The following CCPG1 variants were observed in gnomAD, a reference collection of about 807,000 sequenced individuals.
The protein encoded by CCPG1 is cell cycle progression protein 1.
Under a neutral mutation model 81.3 loss-of-function variants are expected in CCPG1, and 46 were observed. The observed-to-expected ratio is 0.57, with a 90% CI of 0.45 to 0.72. The LOEUF is 0.72. CCPG1 is among the 30% of genes least tolerant of loss of function. CCPG1 has a pLI of 0.00. For missense variants in CCPG1, 902 were observed against 937.6 expected, an observed-to-expected ratio of 0.96 and a Z score of 0.50; for synonymous variants, 330 against 305.2, an observed-to-expected ratio of 1.08 and a Z score of -0.85.
chr15:55,356,452 T>C, intron 8 of CCPG1, 43 bp from the exon 9 acceptor site: 1 of 1,414,772 alleles, frequency 7.1e-7, no homozygotes. Context: ...TAGAGTTCAA[T>C]GTATTTAAAT....
At chr15:55,389,570 C>A (rs373436055) in intron 1 of CCPG1, 137 bp from the exon 2 acceptor site, 4 of 671,858 alleles carry the variant, frequency 6.0e-6, no homozygotes, top group African/African-American at 3.6e-5. Flanking sequence ...ATAGATTTAC[C>A]ATACAGAACA....
At chr15:55,365,764 C>T (rs897391732) in intron 6 of CCPG1, among the ~76,000 whole-genome samples, 4 of 151,596 alleles carry the variant, frequency 2.6e-5, no homozygotes, top group Non-Finnish European at 5.9e-5. Context: ...AGCATTTCAC[C>T]GTTCTTTAAA....
At chr15:55,392,314 C>T (rs199787762) in intron 1 of CCPG1, among the ~76,000 whole-genome samples, 17 of 149,774 alleles carry the variant, frequency 1.1e-4, no homozygotes, top group Non-Finnish European at 1.6e-4. Context: ...CTGGTTCAAG[C>T]GATTCTCCTG....
At chr15:55,382,035 A>T (rs1485629842) in intron 3 of CCPG1, among the ~76,000 whole-genome samples, 1 of 152,220 alleles carries the variant, frequency 6.6e-6, no homozygotes, top group African/African-American at 2.4e-5. Context: ...CATTATTGCT[A>T]AAAAGTGCTA....
chr15:55,386,075 C>T (rs1595852279), intron 2 of CCPG1, among the ~76,000 whole-genome samples: 1 of 151,898 alleles, frequency 6.6e-6, no homozygotes, highest in South Asian at 2.1e-4. Context: ...AGGCACTTCG[C>T]TAGATGCTGT....
intron 6 of CCPG1, among the ~76,000 whole-genome samples, chr15:55,371,519 T>G (rs991123188): frequency 2.0e-5 from 3 of 152,228 alleles, no homozygotes; most frequent in African/African-American, 7.2e-5. Context: ...TTTCAGATTT[T>G]TAATCTTCCA....
Position 55,385,651 on chromosome 15 carries a change from A to G in CCPG1, c.124T>C (p.Cys42Arg), listed in dbSNP as rs2141303285. 1.9e-6 allele frequency: 3 copies of G among 1,612,742 alleles called. No individual in the cohort carries two copies. The highest frequency in any genetic ancestry group is 2.5e-6 in the Non-Finnish European group (3 of 1,179,120). The change falls in exon 3 of 9, where the codon TGT becomes CGT. Residue 42 changes from cysteine (C) to arginine (R), a missense_variant. Physicochemically the swap from Cys to Arg is radical, Grantham distance 180. Around this residue, in one of 3 missense-constraint regions of CCPG1, gnomAD observed 746 missense variants for 728.6 expected, o/e 1.02. Transcript: ENST00000442196. ...AGCTCCTCTTGCTCTAAAGATGAAC[A>G]TTCTGGGGCGGGCTCACAGCTGTCA... ...PTDSCEPAPE[C>R]SSLEQEELQA...
At chr15:55,401,593 G>C (rs1480703982) in intron 1 of CCPG1, among the ~76,000 whole-genome samples, 1 of 151,742 alleles carries the variant, frequency 6.6e-6, no homozygotes, top group African/African-American at 2.4e-5. Context: ...CTTGAACCAG[G>C]AGGTGGAGGT....
intron 1 of CCPG1, among the ~76,000 whole-genome samples, chr15:55,407,224 C>T (rs2057251902): frequency 1.2e-5 from 1 of 85,218 alleles, no homozygotes; most frequent in South Asian, 4.5e-4. Flanking sequence ...GCGAAACCCT[C>T]TCTCAAAAAA....
intron 3 of CCPG1, among the ~76,000 whole-genome samples, chr15:55,379,223 T>C (rs1184822231): frequency 1.4e-5 from 2 of 142,906 alleles, no homozygotes; most frequent in Non-Finnish European, 3.1e-5. Flanking sequence ...ACATAAACTA[T>C]AAAAAACAAG....
At chr15:55,398,152 A>C (rs2057057979) in intron 1 of CCPG1, 1 of 152,194 alleles carries the variant, frequency 6.6e-6, no homozygotes, top group Non-Finnish European at 1.5e-5. Flanking sequence ...AGCCTGTCAA[A>C]ATCTGTAAGA....
Position 55,355,380 on chromosome 15 carries a change from A to G in CCPG1, c.*840T>C, listed in dbSNP as rs377008200. ...GAGGGTCGAATTGGAAGTCACATAT[A>G]TGTCTATGAACGGAAGTTAAAAGGG... On this transcript the variant is annotated 3_prime_UTR_variant, in exon 9 of 9. Coordinates refer to ENST00000442196, the MANE Select transcript of CCPG1 (RefSeq NM_001204450.2). 3 of 1,611,942 alleles carry G rather than the reference A, an allele frequency of 1.9e-6. No homozygotes were observed. The highest frequency in any genetic ancestry group is 1.7e-5 in the Admixed American group (1 of 59,894).
chr15:55,366,697 G>A (rs1358111533), intron 6 of CCPG1, among the ~76,000 whole-genome samples: 7 of 152,120 alleles, frequency 4.6e-5, no homozygotes, highest in Admixed American at 6.6e-5. Context: ...GCTTAAACCC[G>A]GGAGGTGGAG....
chr15:55,370,862 T>G (rs1595832281), intron 6 of CCPG1, among the ~76,000 whole-genome samples: 3 of 118,086 alleles, frequency 2.5e-5, no homozygotes, highest in Non-Finnish European at 3.3e-5. Context: ...GGCGACAGAG[T>G]GAGACTCCGT....
At chr15:55,400,036 A>T (rs1237039213) in intron 1 of CCPG1, 2 of 150,742 alleles carry the variant, frequency 1.3e-5, no homozygotes, top group Non-Finnish European at 1.5e-5. Flanking sequence ...CCCCATCTCT[A>T]CTAAAAATAC....
chr15:55,378,199 A>G, intron 4 of CCPG1, 101 bp downstream of exon 4: 1 of 673,544 alleles, frequency 1.5e-6, no homozygotes, highest in African/African-American at 1.9e-5. Context: ...ATTGCTTATA[A>G]TTCAAAATAG....
Position 55,355,316 on chromosome 15 carries a change from T to C in CCPG1, c.*904A>G. 1 of 1,611,056 alleles carries C rather than the reference T, an allele frequency of 6.2e-7. No individual in the cohort carries two copies. Among genetic ancestry groups the C allele is most frequent in the African/African-American group, 1.3e-5 (1 of 74,948 alleles). ...AAGCGCTTTCCTAATTTCAAGCAAT[T>C]ATAAAAGAACTGCTGTTTTCTTCCA... On this transcript the variant is annotated 3_prime_UTR_variant, in exon 9 of 9. Coordinates refer to ENST00000442196, the MANE Select transcript of CCPG1 (RefSeq NM_001204450.2).
chr15:55,390,863 T>C (rs1041054399), intron 1 of CCPG1, among the ~76,000 whole-genome samples: 2 of 152,246 alleles, frequency 1.3e-5, no homozygotes, highest in African/African-American at 4.8e-5. Context: ...CTTTTAATGT[T>C]ATGACAAGAG....
chr15:55,355,494 G>T lies in CCPG1; in HGVS notation c.*726C>A. ...ATTCAGATGCTGCTTAAATACTTCG[G>T]TAAACACTGGGTAAGATTCATGGAA... On this transcript the variant is annotated 3_prime_UTR_variant, in exon 9 of 9. Transcript: ENST00000442196. 7.5e-7 allele frequency: 1 copy of T among 1,327,940 alleles called. No individual in the cohort carries two copies. The highest frequency in any genetic ancestry group is 1.3e-5 in the South Asian group (1 of 75,038). 82.3% of individuals were successfully genotyped at this position (1,327,940 alleles called of 1,614,324 possible).
Sources: allele counts gnomAD v4.1 joint callset (sites outside exome capture counted in the v4.1 genomes callset), GRCh38; gene constraint gnomAD v4.1.1; regional missense constraint gnomAD v4.1.1; transcripts MANE v1.5; gene names NCBI Gene and HGNC (gene_info 2026-07-23, HGNC 2026-07-21).